Variants in KANK1 observed in about 807,000 individuals in gnomAD.
The protein encoded by KANK1 is KN motif and ankyrin repeat domains 1.
Under a neutral mutation model 106.2 loss-of-function variants are expected in KANK1, and 109 were observed. That is an observed-to-expected ratio of 1.03 (90% CI 0.88 to 1.20). KANK1 has a LOEUF of 1.20. Among genes scored for constraint, KANK1 ranks in the 50% most tolerant of loss-of-function variants. The pLI, the probability that KANK1 is intolerant of heterozygous loss-of-function variation, is 0.00. For missense variants in KANK1, 2,399 were observed against 1,710.7 expected (o/e 1.40, Z -7.10); for synonymous variants, 873 against 652.2 (o/e 1.34, Z -5.16).
rs79490619 is a variant in KANK1 at position 653,184 on chromosome 9, C to A, written c.-83-23706C>A. 2.6e-5 allele frequency among the ~76,000 whole-genome samples: 4 copies of A among 152,058 alleles called. No homozygotes were observed. The East Asian group carries it at 7.7e-4, about 29-fold the overall frequency. On this transcript the variant is annotated intron_variant, in intron 1 of 11. Coordinates refer to ENST00000382297, the MANE Select transcript of KANK1 (RefSeq NM_015158.5). ...GAATGTCTGTCAGGCCTGGAAGTGTCATTAGGGCTGTCCTAGTCTGGACAT... is the reference window on the plus strand; with the variant it reads ...GAATGTCTGTCAGGCCTGGAAGTGTAATTAGGGCTGTCCTAGTCTGGACAT...
intron 3 of KANK1, among the ~76,000 whole-genome samples, chr9:485,399 T>C (rs570818633): frequency 1.3e-5 from 2 of 152,338 alleles, no homozygotes; most frequent in Non-Finnish European, 2.9e-5. Flanking sequence ...ACCACAAAAA[T>C]CTGGTTTTTG....
chr9:597,826 G>A (rs1826608900), intron 1 of KANK1, among the ~76,000 whole-genome samples: 1 of 151,256 alleles, frequency 6.6e-6, no homozygotes, highest in South Asian at 2.1e-4. Flanking sequence ...ACCACGCCTG[G>A]CTAATTTTTT....
chr9:499,125 C>T (rs2058505990), intron 3 of KANK1, among the ~76,000 whole-genome samples: 1 of 151,404 alleles, frequency 6.6e-6, no homozygotes, highest in Admixed American at 6.6e-5. Context: ...TTGCAGTGAG[C>T]CGAGATCACA....
chr9:537,900 A>G (rs1016379818), intron 1 of KANK1, among the ~76,000 whole-genome samples: 1 of 152,238 alleles, frequency 6.6e-6, no homozygotes, highest in Non-Finnish European at 1.5e-5. Flanking sequence ...CGTGTGTCTT[A>G]ACACTATTCC....
chr9:732,156 C>G, intron 5 of KANK1: 1 of 455,880 alleles, frequency 2.2e-6, no homozygotes, highest in Non-Finnish European at 4.0e-6. Context: ...ACAAGTGTTA[C>G]ATGATACCAA....
chr9:656,512 C>T (rs1842179487), intron 1 of KANK1, among the ~76,000 whole-genome samples: 1 of 152,114 alleles, frequency 6.6e-6, no homozygotes, highest in African/African-American at 2.4e-5. Flanking sequence ...TGTCATTGGT[C>T]AGTCTGTGAC....
chr9:671,623 A>AAAAAAAAAAGAAG (rs79437342), intron 1 of KANK1, among the ~76,000 whole-genome samples: 2 of 103,624 alleles, frequency 1.9e-5, no homozygotes, highest in Non-Finnish European at 3.6e-5. Context: ...CTCAAAAAAA[A>AAAAAAAAAAGAAG]AAAAGAGTGT....
intron 1 of KANK1, among the ~76,000 whole-genome samples, chr9:632,771 C>G (rs759612381): frequency 6.6e-6 from 1 of 151,190 alleles, no homozygotes; most frequent in Non-Finnish European, 1.5e-5. Flanking sequence ...CTCACTGCAG[C>G]CTACACCTCC....
At chr9:472,498 T>C (rs1468336487) in intron 2 of KANK1, among the ~76,000 whole-genome samples, 2 of 152,166 alleles carry the variant, frequency 1.3e-5, no homozygotes, top group South Asian at 2.1e-4. Context: ...GGAGGTCAAG[T>C]GTAGGCCATA....
chr9:483,661 A>G (rs2058244990), intron 3 of KANK1, among the ~76,000 whole-genome samples: 1 of 152,232 alleles, frequency 6.6e-6, no homozygotes, highest in Non-Finnish European at 1.5e-5. Context: ...TCATTGATCC[A>G]TAATGAAATG....
In KANK1 at chr9:731,204, A is replaced by G. The variant is rs369696901; in HGVS notation, c.2943A>G (p.Lys981=). Residue 981 remains lysine, a synonymous_variant, in exon 5 of 12, where the codon AAA becomes AAG. Transcript: ENST00000382297. ...CACTGAAGTCCATCATGAAGAAGAA[A>G]GATGGTAACAAAGATTCAAATGGCG... is the stretch of plus-strand genomic sequence containing the variant. The part of the protein sequence containing the change: ...ESTLKSIMKK[K]DGNKDSNGAK... 5 of 1,612,444 alleles carry G rather than the reference A, an allele frequency of 3.1e-6. No individual in the cohort carries two copies. In the African/African-American group the frequency reaches 6.7e-5, roughly 22 times the overall value.
At chr9:671,378 G>T (rs553083792) in intron 1 of KANK1, among the ~76,000 whole-genome samples, 2 of 151,932 alleles carry the variant, frequency 1.3e-5, no homozygotes, top group African/African-American at 4.8e-5. Flanking sequence ...GGGCGCGGTG[G>T]CTCACACCTG....
chr9:566,817 T>C (rs752688865), intron 1 of KANK1, among the ~76,000 whole-genome samples: 2 of 152,236 alleles, frequency 1.3e-5, no homozygotes, highest in Non-Finnish European at 2.9e-5. Flanking sequence ...TTTACTTTGT[T>C]GATAGTTTCT....
intron 1 of KANK1, among the ~76,000 whole-genome samples, chr9:585,571 C>T (rs1399784975): frequency 6.6e-6 from 1 of 152,194 alleles, no homozygotes; most frequent in Non-Finnish European, 1.5e-5. Flanking sequence ...AACTCTAATA[C>T]AATCCACACT....
At chr9:613,917 A>G (rs1831168422) in intron 1 of KANK1, among the ~76,000 whole-genome samples, 1 of 152,148 alleles carries the variant, frequency 6.6e-6, no homozygotes, top group Admixed American at 6.5e-5. Context: ...ACTGAGCATA[A>G]AGGATCTCAT....
intron 1 of KANK1, among the ~76,000 whole-genome samples, chr9:635,848 A>G (rs1254498278): frequency 6.6e-6 from 1 of 151,570 alleles, no homozygotes; most frequent in South Asian, 2.1e-4. Context: ...ACAGGTGCAC[A>G]CCACTTTAGT....
intron 1 of KANK1, among the ~76,000 whole-genome samples, chr9:643,825 C>G (rs909061284): frequency 2.7e-5 from 4 of 150,406 alleles, no homozygotes; most frequent in Non-Finnish European, 5.9e-5. Context: ...GCCTCAGCCT[C>G]CTGAGTAGCT....
In KANK1 at chr9:676,941, C is replaced by G; in HGVS notation, c.-32C>G. 1 of 1,607,692 alleles carries G rather than the reference C, an allele frequency of 6.2e-7. No individual in the cohort carries two copies. Among genetic ancestry groups the G allele is most frequent in the Middle Eastern group, 1.7e-4 (1 of 6,050 alleles). ...ATAAAATTTGCATGACTCCTCACTC[C>G]TTTCTGGATCTCTCATTGGACTCAA... is the stretch of plus-strand genomic sequence containing the variant. On this transcript the variant is annotated 5_prime_UTR_variant, in exon 2 of 12. Coordinates refer to ENST00000382297, the MANE Select transcript of KANK1 (RefSeq NM_015158.5).
intron 1 of KANK1, among the ~76,000 whole-genome samples, chr9:657,641 A>G (rs541341485): frequency 6.6e-6 from 1 of 150,750 alleles, no homozygotes; most frequent in Non-Finnish European, 1.5e-5. Flanking sequence ...GCCTTTTTAA[A>G]CTCCAAATTC....
Sources: gnomAD v4.1 joint callset for allele counts (sites outside exome capture counted in the v4.1 genomes callset) on GRCh38, gnomAD v4.1.1 for gene constraint, MANE v1.5 for transcripts, NCBI Gene and HGNC (gene_info 2026-07-23, HGNC 2026-07-21) for gene names.